ZNF433: variants seen among roughly 807,000 people sequenced by gnomAD.
The protein encoded by ZNF433 is zinc finger protein 433.
A neutral mutation model predicts 10.6 loss-of-function variants in ZNF433; 12 were observed. The ratio of observed to expected loss-of-function variants is 1.13; its 90% CI spans 0.72 to 1.83. The LOEUF is 1.83. ZNF433 is among the 40% of genes most tolerant of loss of function. The probability of loss-of-function intolerance (pLI) is 0.00; values close to 1 mark genes in which losing one functional copy is unlikely to be tolerated. For missense variants in ZNF433, 737 were observed against 798.0 expected, an observed-to-expected ratio of 0.92 and a Z score of 0.92; for synonymous variants, 272 against 271.3, an observed-to-expected ratio of 1.00 and a Z score of -0.02.
intron 1 of ZNF433, chr19:12,027,322 G>T (rs897230850): frequency 3.2e-6 from 1 of 314,876 alleles, no homozygotes. Flanking sequence ...TGCTTTTATT[G>T]TCTTGCAAAA....
In ZNF433 at chr19:12,018,154, T is replaced by C; in HGVS notation, c.130+12A>G. On this transcript the variant is annotated intron_variant, in intron 2 of 3. Transcript: ENST00000550507. The stretch of plus-strand genomic sequence containing the variant: ...TCTCATTTACTGAAGGAAGTAATGT[T>C]GTCACCCTTACCTATAGAGGCCAGG... 6.4e-7 allele frequency: 1 copy of C among 1,559,318 alleles called. No individual in the cohort carries two copies. Among genetic ancestry groups the C allele is most frequent in the Non-Finnish European group, 8.6e-7 (1 of 1,161,886 alleles).
Position 12,016,301 on chromosome 19 carries a change from CTG to C in ZNF433, c.555_556del (p.His185GlnfsTer11), listed in dbSNP as rs766009907. 1 of 1,614,204 alleles carries C rather than the reference CTG, an allele frequency of 6.2e-7. No individual in the cohort carries two copies. Among genetic ancestry groups the C allele is most frequent in the Non-Finnish European group, 8.5e-7 (1 of 1,180,028 alleles). On this transcript the variant is annotated frameshift_variant, in exon 4 of 4. Coordinates refer to ENST00000550507, the MANE Select transcript of ZNF433 (RefSeq NM_001308348.2). LOFTEE classifies it low-confidence loss of function (END_TRUNC). ...AGGTCCATCTCCACGGTGCATTATC[CTG>C]TGTCTTTGAAGGTTTGAATGGGAAA...
At chr19:12,025,299 C>G (rs1231777786) in intron 1 of ZNF433, 1 of 152,206 alleles carries the variant, frequency 6.6e-6, no homozygotes, top group Non-Finnish European at 1.5e-5. Flanking sequence ...AGATGAACAA[C>G]TGATGACTTT....
At chr19:12,029,887 C>G (rs1974924611) in intron 1 of ZNF433, among the ~76,000 whole-genome samples, 1 of 151,814 alleles carries the variant, frequency 6.6e-6, no homozygotes, top group African/African-American at 2.4e-5. Flanking sequence ...TGAGACCAGC[C>G]TGGCCAAGAT....
chr19:12,015,927 C>G lies in ZNF433; in HGVS notation c.931G>C (p.Glu311Gln). Reference protein sequence around the residue: ...HTGEKPYECKECGKAFKCPSS... With the variant: ...HTGEKPYECKQCGKAFKCPSS... ...GGACACTTGAATGCTTTTCCACATT[C>G]CTTACATTCATATGGCTTCTCCCCC... Residue 311 changes from glutamate to glutamine, a missense_variant, in exon 4 of 4, where the codon GAA (glutamate) becomes CAA (glutamine). Transcript: ENST00000550507. The G allele has an allele frequency of 6.2e-7, 1 of 1,613,892 alleles. No individual in the cohort carries two copies. The highest frequency in any genetic ancestry group is 8.5e-7 in the Non-Finnish European group (1 of 1,179,944).
At chr19:12,022,133 G>C (rs1974527713) in intron 1 of ZNF433, 3 of 422,394 alleles carry the variant, frequency 7.1e-6, no homozygotes, top group Middle Eastern at 7.5e-4. Context: ...TGGTTTACCG[G>C]AATGAAGGCA....
At chr19:12,018,874 G>A (rs562906342) in intron 1 of ZNF433, among the ~76,000 whole-genome samples, 83 of 151,202 alleles carry the variant, frequency 5.5e-4, no homozygotes, top group African/African-American at 2.0e-3. Flanking sequence ...GGGCAACAGA[G>A]TGAGACTCGG....
chr19:12,027,737 C>G (rs1308788314), intron 1 of ZNF433, among the ~76,000 whole-genome samples: 1 of 152,204 alleles, frequency 6.6e-6, no homozygotes, highest in African/African-American at 2.4e-5. Context: ...ACTCCACATT[C>G]TATTATTTCT....
chr19:12,027,590 T>G (rs1245966706), intron 1 of ZNF433, among the ~76,000 whole-genome samples: 1 of 152,252 alleles, frequency 6.6e-6, no homozygotes, highest in Non-Finnish European at 1.5e-5. Context: ...AGCCCATCCC[T>G]TTGTTTCACA....
chr19:12,014,885 A>T lies in ZNF433; in HGVS notation c.1973T>A (p.Leu658His). ...CGKVFRCSSQLQVHGRAHCID... is the reference protein window; with the variant it reads ...CGKVFRCSSQHQVHGRAHCID... ...GCAGTGAGCCCTTCCATGCACTTGA[A>T]GTTGTGAAGAACATCTAAAGACTTT... The change falls in exon 4 of 4, where the codon CTT (leucine) becomes CAT (histidine). Residue 658 changes from leucine (L) to histidine (H), a missense_variant. Leu to His is a moderately conservative substitution (Grantham distance 99). Transcript: ENST00000550507. 1 of 1,608,992 alleles carries T rather than the reference A, an allele frequency of 6.2e-7. No individual in the cohort carries two copies.
rs1479927098 is a variant in ZNF433 at position 12,014,839 on chromosome 19, C to T, written c.*6G>A. On this transcript the variant is annotated 3_prime_UTR_variant, in exon 4 of 4. Coordinates refer to ENST00000550507, the MANE Select transcript of ZNF433 (RefSeq NM_001308348.2). ...TCCCCCCACCTCAGCCTCCTAAAGCCTGGGGTTATGGGGTGTCTATGCAGT... is the reference window on the plus strand; with the variant it reads ...TCCCCCCACCTCAGCCTCCTAAAGCTTGGGGTTATGGGGTGTCTATGCAGT... 1 of 1,541,902 alleles carries T rather than the reference C, an allele frequency of 6.5e-7. No homozygotes were observed. The highest frequency in any genetic ancestry group is 8.8e-7 in the Non-Finnish European group (1 of 1,142,768).
At position 12,015,932 on chromosome 19, in the gene ZNF433, C is replaced by T. The variant is rs753571267; in HGVS notation, c.926G>A (p.Cys309Tyr). 3 of 1,613,958 alleles carry T rather than the reference C, an allele frequency of 1.9e-6. No homozygotes were observed. The highest frequency in any genetic ancestry group is 1.7e-5 in the Admixed American group (1 of 59,996). Reference sequence around the variant, plus strand: ...CTTGAATGCTTTTCCACATTCCTTACATTCATATGGCTTCTCCCCCGTGTG... The same window carrying T: ...CTTGAATGCTTTTCCACATTCCTTATATTCATATGGCTTCTCCCCCGTGTG... ...RTHTGEKPYECKECGKAFKCP... is the reference protein window; with the variant it reads ...RTHTGEKPYEYKECGKAFKCP... The change falls in exon 4 of 4, where the codon TGT becomes TAT. Residue 309 changes from cysteine (C) to tyrosine (Y), a missense_variant. Coordinates refer to ENST00000550507, the MANE Select transcript of ZNF433 (RefSeq NM_001308348.2).
intron 1 of ZNF433, among the ~76,000 whole-genome samples, chr19:12,032,278 A>G (rs945931412): frequency 6.6e-6 from 1 of 152,000 alleles, no homozygotes; most frequent in Admixed American, 6.6e-5. Context: ...TCACCAATCT[A>G]CCATACTTTC....
chr19:12,022,715 G>A (rs1974555622), intron 1 of ZNF433, among the ~76,000 whole-genome samples: 1 of 152,182 alleles, frequency 6.6e-6, no homozygotes, highest in Admixed American at 6.5e-5. Context: ...CACTGATGAG[G>A]AGGAGGAAGG....
intron 1 of ZNF433, among the ~76,000 whole-genome samples, chr19:12,030,367 C>T (rs959870626): frequency 7.9e-5 from 12 of 151,986 alleles, no homozygotes; most frequent in South Asian, 6.2e-4. Flanking sequence ...ACTACAGGTG[C>T]GCATCACCAA....
At chr19:12,027,581 G>T (rs1294814192) in intron 1 of ZNF433, among the ~76,000 whole-genome samples, 1 of 152,228 alleles carries the variant, frequency 6.6e-6, no homozygotes, top group Non-Finnish European at 1.5e-5. Flanking sequence ...ACTAGCCAGA[G>T]CCCATCCCTT....
rs1169270499 is a variant in ZNF433, at chr19:12,035,644, C to T, written c.-105G>A. 6.8e-7 allele frequency: 1 copy of T among 1,468,542 alleles called. No individual in the cohort carries two copies. Among genetic ancestry groups the T allele is most frequent in the Non-Finnish European group, 9.2e-7 (1 of 1,085,810 alleles). The allele number at this position is 1,468,542 out of a possible 1,614,324, so 91.0% of individuals were successfully genotyped here. A position where few individuals can be genotyped will look rare whatever the true frequency, so the allele number is the denominator to read the frequency against. The stretch of plus-strand genomic sequence containing the variant: ...CCTCTCGGAGGGGAAAGCCAGGCTC[C>T]CAACCTCAGCTCGCCGCCTGGAGCC... On this transcript the variant is annotated 5_prime_UTR_variant, in exon 1 of 4. Transcript: ENST00000550507.
chr19:12,028,474 C>T (rs1011546296), intron 1 of ZNF433, among the ~76,000 whole-genome samples: 10 of 152,234 alleles, frequency 6.6e-5, no homozygotes, highest in South Asian at 2.1e-4. Context: ...AATTATCATT[C>T]GCAATACTGG....
chr19:12,024,298 C>T (rs1463885355), intron 1 of ZNF433: 1 of 152,176 alleles, frequency 6.6e-6, no homozygotes, highest in Non-Finnish European at 1.5e-5. Context: ...CTTTAATTGT[C>T]ATAGATTTAA....
Sources: gnomAD v4.1 joint callset for allele counts (sites outside exome capture counted in the v4.1 genomes callset) on GRCh38, gnomAD v4.1.1 for gene constraint, MANE v1.5 for transcripts, NCBI Gene and HGNC (gene_info 2026-07-23, HGNC 2026-07-21) for gene names.